The following EPHA6 variants were observed in gnomAD, a reference collection of about 807,000 sequenced individuals.
EPHA6 encodes the protein ephrin type-A receptor 6.
Under a neutral mutation model 112.0 loss-of-function variants are expected in EPHA6, and 50 were observed. The ratio of observed to expected loss-of-function variants is 0.45; its 90% CI spans 0.36 to 0.56. EPHA6 has a LOEUF of 0.56. Among genes scored for constraint, EPHA6 ranks in the 20% least tolerant of loss-of-function variants. The pLI, the probability that EPHA6 is intolerant of heterozygous loss-of-function variation, is 0.00. For missense variants in EPHA6, 1,280 were observed against 1,417.4 expected, an observed-to-expected ratio of 0.90 and a Z score of 1.56; for synonymous variants, 529 against 490.7, an observed-to-expected ratio of 1.08 and a Z score of -1.03.
intron 6 of EPHA6, among the ~76,000 whole-genome samples, chr3:97,410,168 A>G (rs1354823742): frequency 6.6e-6 from 1 of 152,022 alleles, no homozygotes; most frequent in African/African-American, 2.4e-5. Context: ...TTTGCACAAT[A>G]AGTCTTTTTT....
chr3:97,213,840 T>C lies in EPHA6; in HGVS notation c.1115-12424T>C, dbSNP rs1297370588. 3.9e-5 allele frequency among the ~76,000 whole-genome samples: 6 copies of C among 152,310 alleles called. No homozygotes were observed. In the Middle Eastern group the frequency reaches 0.017, roughly 432 times the overall value. ...TTTACTCTTATTCTTTGGGATGATA[T>C]TGATGTAACTTGCAGTATATTTATG... On this transcript the variant is annotated intron_variant, in intron 3 of 17. Transcript: ENST00000389672.
chr3:97,400,179 C>T (rs1379333188), intron 5 of EPHA6, among the ~76,000 whole-genome samples: 2 of 151,490 alleles, frequency 1.3e-5, no homozygotes, highest in African/African-American at 4.8e-5. Context: ...TTTCCCAGCA[C>T]CATTTATTGA....
chr3:97,392,685 T>G (rs1462785930), intron 5 of EPHA6, among the ~76,000 whole-genome samples: 1 of 151,834 alleles, frequency 6.6e-6, no homozygotes, highest in African/African-American at 2.4e-5. Context: ...TAAAATATTT[T>G]AAAGATTTAT....
intron 5 of EPHA6, among the ~76,000 whole-genome samples, chr3:97,380,901 T>C (rs2085688864): frequency 6.6e-6 from 1 of 152,140 alleles, no homozygotes; most frequent in Non-Finnish European, 1.5e-5. Flanking sequence ...ATCTATAATG[T>C]ATTAGTTTTA....
intron 5 of EPHA6, among the ~76,000 whole-genome samples, chr3:97,369,637 T>C (rs1038236581): frequency 2.6e-5 from 4 of 152,190 alleles, no homozygotes; most frequent in Non-Finnish European, 5.9e-5. Flanking sequence ...CATTCCTTGC[T>C]CACGGGACTT....
At chr3:97,615,786 C>T (rs963939496) in intron 13 of EPHA6, among the ~76,000 whole-genome samples, 1 of 152,174 alleles carries the variant, frequency 6.6e-6, no homozygotes, top group South Asian at 2.1e-4. Flanking sequence ...CCTCCAGCCA[C>T]CCCCTCCTGT....
At chr3:97,015,405 G>A (rs2044230630) in intron 3 of EPHA6, among the ~76,000 whole-genome samples, 1 of 152,118 alleles carries the variant, frequency 6.6e-6, no homozygotes, top group South Asian at 2.1e-4. Context: ...AGATCCAGGA[G>A]TGTTTGGGTT....
intron 14 of EPHA6, among the ~76,000 whole-genome samples, chr3:97,661,430 A>G (rs2094169186): frequency 6.6e-6 from 1 of 152,152 alleles, no homozygotes; most frequent in Non-Finnish European, 1.5e-5. Flanking sequence ...CCTATTACTG[A>G]GACATCTTAT....
At chr3:97,161,397 G>A (rs7624647) in intron 3 of EPHA6, among the ~76,000 whole-genome samples, 53,294 of 152,086 alleles carry the variant, frequency 0.35, 16,379 homozygotes, top group African/African-American at 0.82. Flanking sequence ...TACCACTACC[G>A]CTGACACTTT....
At chr3:96,939,101 C>G (rs2040781720) in intron 2 of EPHA6, among the ~76,000 whole-genome samples, 1 of 152,312 alleles carries the variant, frequency 6.6e-6, no homozygotes, top group East Asian at 1.9e-4. Context: ...GCTTTGGTAT[C>G]AGGATGATGC....
At chr3:97,663,018 T>C (rs1158623279) in intron 14 of EPHA6, among the ~76,000 whole-genome samples, 7 of 152,174 alleles carry the variant, frequency 4.6e-5, no homozygotes, top group Non-Finnish European at 1.0e-4. Flanking sequence ...CTTTGATCAA[T>C]GACTACTAAG....
chr3:96,888,777 T>C (rs1010411167), intron 2 of EPHA6, among the ~76,000 whole-genome samples: 1 of 152,226 alleles, frequency 6.6e-6, no homozygotes. Context: ...CCCTGTTGTC[T>C]TGGTGATTAA....
At chr3:97,704,244 T>A (rs558517513) in intron 14 of EPHA6, among the ~76,000 whole-genome samples, 1 of 152,150 alleles carries the variant, frequency 6.6e-6, no homozygotes, top group African/African-American at 2.4e-5. Context: ...ACCATGAGGA[T>A]GTTGCAGGAA....
In EPHA6 at chr3:97,460,055, T is replaced by C. The variant is rs758642559; in HGVS notation, c.1894+11325T>C. On this transcript the variant is annotated intron_variant, in intron 7 of 17. Coordinates refer to ENST00000389672, the MANE Select transcript of EPHA6 (RefSeq NM_001080448.3). ...GTGAATTTAGATAGCTTAGGGGTAA[T>C]GGTGATATGTTAGCAAAGGAAAGTT... Among the ~76,000 whole-genome samples the C allele has an allele frequency of 3.9e-5, 6 of 152,288 alleles. No homozygotes were observed. In the East Asian group the frequency reaches 1.2e-3, roughly 29 times the overall value.
intron 2 of EPHA6, 28 bp downstream of exon 2, chr3:96,866,917 G>T (rs1046121116): frequency 7.5e-7 from 1 of 1,328,706 alleles, no homozygotes; most frequent in Non-Finnish European, 1.0e-6. Context: ...AAAAATTGCT[G>T]TCTTTTTTAG....
At chr3:97,208,782 G>A (rs894975084) in intron 3 of EPHA6, among the ~76,000 whole-genome samples, 1 of 151,824 alleles carries the variant, frequency 6.6e-6, no homozygotes, top group Admixed American at 6.6e-5. Context: ...ACATATGGTG[G>A]AAATACATTG....
At chr3:97,210,151 T>G (rs1173052313) in intron 3 of EPHA6, among the ~76,000 whole-genome samples, 1 of 152,176 alleles carries the variant, frequency 6.6e-6, no homozygotes, top group African/African-American at 2.4e-5. Flanking sequence ...CTTATTATAT[T>G]AGTTCGTTCT....
At chr3:97,135,690 T>A (rs1043245592) in intron 3 of EPHA6, among the ~76,000 whole-genome samples, 3 of 151,322 alleles carry the variant, frequency 2.0e-5, no homozygotes, top group African/African-American at 7.3e-5. Context: ...ATGCCCATAC[T>A]GCTGGTTCCT....
At chr3:97,308,645 T>C (rs757799137) in intron 5 of EPHA6, among the ~76,000 whole-genome samples, 26 of 151,854 alleles carry the variant, frequency 1.7e-4, no homozygotes, top group Non-Finnish European at 3.1e-4. Flanking sequence ...AAATGAATAC[T>C]CCCTCTCTGT....
Sources: gnomAD v4.1 joint callset for allele counts (sites outside exome capture counted in the v4.1 genomes callset) on GRCh38, gnomAD v4.1.1 for gene constraint, MANE v1.5 for transcripts, NCBI Gene and HGNC (gene_info 2026-07-23, HGNC 2026-07-21) for gene names.